ROR2: variants seen among roughly 807,000 people sequenced by gnomAD.
ROR2 encodes the protein ROR family WNT receptor 2.
A neutral mutation model predicts 74.9 loss-of-function variants in ROR2; 33 were observed. That is an observed-to-expected ratio of 0.44 (90% CI 0.33 to 0.59). The LOEUF (loss-of-function observed/expected upper bound fraction) is 0.59, where lower values mean the gene tolerates loss of function less well. Among genes scored for constraint, ROR2 ranks in the 20% least tolerant of loss-of-function variants. ROR2 has a pLI of 0.02. For synonymous variants in ROR2, 586 were observed against 558.7 expected, an observed-to-expected ratio of 1.05 and a Z score of -0.69; for missense variants, 1,216 against 1,313.8, an observed-to-expected ratio of 0.93 and a Z score of 1.15.
intron 1 of ROR2, among the ~76,000 whole-genome samples, chr9:91,783,584 C>A (rs1434215718): frequency 2.0e-5 from 3 of 150,340 alleles, no homozygotes; most frequent in South Asian, 2.1e-4. Context: ...TCCCACTTCA[C>A]CCCTCCAGGG....
intron 1 of ROR2, among the ~76,000 whole-genome samples, chr9:91,893,006 AAGTGAAAAGTCC>A (rs1342760043): frequency 6.6e-6 from 1 of 152,206 alleles, no homozygotes; most frequent in Non-Finnish European, 1.5e-5. Flanking sequence ...ACCAAGGGTG[AAGTGAAAAGTCC>A]ACCTGTGGTA....
At chr9:91,929,265 G>A (rs993028506) in intron 1 of ROR2, among the ~76,000 whole-genome samples, 2 of 152,230 alleles carry the variant, frequency 1.3e-5, no homozygotes, top group Admixed American at 1.3e-4. Context: ...GCCCACCCTG[G>A]AGGCTTTGTC....
chr9:91,839,271 T>G (rs1021442415), intron 1 of ROR2, among the ~76,000 whole-genome samples: 1 of 133,082 alleles, frequency 7.5e-6, no homozygotes, highest in African/African-American at 3.5e-5. Flanking sequence ...TGTGTGTGTG[T>G]GTGTGTGTGT....
intron 1 of ROR2, among the ~76,000 whole-genome samples, chr9:91,835,598 C>T (rs186737589): frequency 6.6e-6 from 1 of 152,352 alleles, no homozygotes; most frequent in East Asian, 1.9e-4. Flanking sequence ...GCTACCGACT[C>T]ATCGCAGTAA....
chr9:91,752,317 G>A (rs1825617349), intron 4 of ROR2, among the ~76,000 whole-genome samples: 1 of 152,212 alleles, frequency 6.6e-6, no homozygotes, highest in South Asian at 2.1e-4. Context: ...TAGTAGTCAA[G>A]CCTGGAATCT....
intron 1 of ROR2, among the ~76,000 whole-genome samples, chr9:91,881,046 C>T (rs1830093257): frequency 6.6e-6 from 1 of 152,160 alleles, no homozygotes; most frequent in Admixed American, 6.5e-5. Context: ...GGTAATGGGA[C>T]ATCTTGCCAG....
intron 1 of ROR2, among the ~76,000 whole-genome samples, chr9:91,878,657 C>CCAT (rs370501885): frequency 3.5e-4 from 54 of 152,326 alleles, no homozygotes; most frequent in African/African-American, 1.2e-3. Context: ...AAACCATAGC[C>CCAT]CATCATTCTC....
rs748310212 is a variant in ROR2 at position 91,737,029 on chromosome 9, G to GT, written c.622+361dup. On this transcript the variant is annotated intron_variant, in intron 5 of 8. Transcript: ENST00000375708. ...AGTACAGAATGAGAAGTCAAGCAGAGTGAGTGTGGGGGCGCTGAGGCTATC... is the reference window on the plus strand; with the variant it reads ...AGTACAGAATGAGAAGTCAAGCAGAGTTGAGTGTGGGGGCGCTGAGGCTATC... 2.6e-5 allele frequency among the ~76,000 whole-genome samples: 4 copies of GT among 152,346 alleles called. No individual in the cohort carries two copies. In the East Asian group the frequency reaches 7.7e-4, roughly 29 times the overall value.
intron 1 of ROR2, among the ~76,000 whole-genome samples, chr9:91,781,917 T>G (rs1826631831): frequency 6.6e-6 from 1 of 152,226 alleles, no homozygotes; most frequent in Admixed American, 6.5e-5. Context: ...ATTGCCTTCA[T>G]AAAGCTCTTT....
chr9:91,728,227 A>G (rs1023191896), intron 7 of ROR2, among the ~76,000 whole-genome samples: 8 of 152,122 alleles, frequency 5.3e-5, no homozygotes, highest in Non-Finnish European at 8.8e-5. Context: ...CTTTCAAAAG[A>G]TAGTATTTCT....
At chr9:91,738,228 A>T (rs539291070) in intron 4 of ROR2, among the ~76,000 whole-genome samples, 3 of 152,370 alleles carry the variant, frequency 2.0e-5, no homozygotes, top group African/African-American at 7.2e-5. Context: ...CATTAAAATA[A>T]GGGAAACTAT....
intron 1 of ROR2, among the ~76,000 whole-genome samples, chr9:91,843,444 C>T (rs1232800420): frequency 1.3e-5 from 2 of 152,178 alleles, no homozygotes; most frequent in East Asian, 1.9e-4. Context: ...TTCTTATTTC[C>T]GACATAATAC....
intron 1 of ROR2, among the ~76,000 whole-genome samples, chr9:91,925,226 G>A (rs7875147): frequency 0.03 from 4,514 of 152,104 alleles, 104 homozygotes; most frequent in East Asian, 0.061. Flanking sequence ...GAGAACCATC[G>A]CTGTAGGGCC....
chr9:91,731,197 CAA>C, intron 6 of ROR2, 42 bp from the exon 7 acceptor site: 2 of 1,612,872 alleles, frequency 1.2e-6, no homozygotes, highest in Non-Finnish European at 1.7e-6. Flanking sequence ...CGGGGTACAA[CAA>C]AACCATTCTG....
chr9:91,788,997 T>C (rs1468161924), intron 1 of ROR2, among the ~76,000 whole-genome samples: 4 of 151,648 alleles, frequency 2.6e-5, no homozygotes, highest in South Asian at 2.1e-4. Flanking sequence ...GAAGAAAGGA[T>C]TGGGGGAGGT....
At chr9:91,890,026 G>A (rs1564022723) in intron 1 of ROR2, among the ~76,000 whole-genome samples, 1 of 152,224 alleles carries the variant, frequency 6.6e-6, no homozygotes, top group Non-Finnish European at 1.5e-5. Context: ...CACACTGACT[G>A]GACCCCAGGG....
intron 1 of ROR2, among the ~76,000 whole-genome samples, chr9:91,882,531 A>G (rs1830145523): frequency 6.6e-6 from 1 of 152,086 alleles, no homozygotes; most frequent in Non-Finnish European, 1.5e-5. Context: ...TATATACAAC[A>G]AGCCTCCACT....
At chr9:91,746,834 G>T (rs970411993) in intron 4 of ROR2, among the ~76,000 whole-genome samples, 1 of 150,572 alleles carries the variant, frequency 6.6e-6, no homozygotes, top group African/African-American at 2.5e-5. Flanking sequence ...TTATTCAAAA[G>T]AATAACACAC....
At chr9:91,776,176 G>A (rs370995413) in intron 1 of ROR2, among the ~76,000 whole-genome samples, 1 of 152,170 alleles carries the variant, frequency 6.6e-6, no homozygotes, top group Non-Finnish European at 1.5e-5. Flanking sequence ...CACTTCTGTA[G>A]CCAGATGCCG....
Sources: gnomAD v4.1 joint callset for allele counts (sites outside exome capture counted in the v4.1 genomes callset) on GRCh38, gnomAD v4.1.1 for gene constraint, MANE v1.5 for transcripts, NCBI Gene and HGNC (gene_info 2026-07-23, HGNC 2026-07-21) for gene names.